SUN1: variants seen among roughly 807,000 people sequenced by gnomAD.
SUN1 encodes the protein SUN domain-containing protein 1.
In SUN1, 61 loss-of-function variants were observed where a neutral mutation model predicts 103.2. The ratio of observed to expected loss-of-function variants is 0.59; its 90% CI spans 0.48 to 0.73. SUN1 has a LOEUF of 0.73. SUN1 is among the 30% of genes least tolerant of loss of function. SUN1 has a pLI of 0.00. For synonymous variants in SUN1, 490 were observed against 425.7 expected (o/e 1.15, Z -1.86); for missense variants, 1,052 against 1,034.6 (o/e 1.02, Z -0.23).
intron 15 of SUN1, among the ~76,000 whole-genome samples, chr7:863,482 C>G (rs1833930095): frequency 2.0e-5 from 3 of 152,206 alleles, no homozygotes; most frequent in Non-Finnish European, 1.5e-5. Context: ...CCAAACTGGA[C>G]TTGTTTTTTA....
intron 15 of SUN1, among the ~76,000 whole-genome samples, chr7:861,695 C>T (rs1179130059): frequency 3.9e-5 from 6 of 152,180 alleles, no homozygotes; most frequent in Non-Finnish European, 7.3e-5. Flanking sequence ...ATGCTTGTGG[C>T]TAAGTCGAGG....
At chr7:823,867 T>C (rs1485984719) in intron 1 of SUN1, among the ~76,000 whole-genome samples, 1 of 152,170 alleles carries the variant, frequency 6.6e-6, no homozygotes, top group Non-Finnish European at 1.5e-5. Flanking sequence ...TGAGCCTGCC[T>C]GACATCCAGG....
intron 17 of SUN1, among the ~76,000 whole-genome samples, chr7:870,670 G>A (rs893765985): frequency 2.0e-5 from 3 of 148,184 alleles, no homozygotes; most frequent in African/African-American, 7.3e-5. Flanking sequence ...TCCTCAAGTA[G>A]CATCAATCCC....
intron 1 of SUN1, among the ~76,000 whole-genome samples, chr7:837,257 C>T (rs924713367): frequency 3.9e-5 from 6 of 152,156 alleles, no homozygotes; most frequent in African/African-American, 9.7e-5. Context: ...TGGCTGGAGT[C>T]GGTGTCAGGG....
intron 1 of SUN1, among the ~76,000 whole-genome samples, chr7:819,082 C>G (rs186265066): frequency 4.5e-4 from 69 of 152,118 alleles, no homozygotes; most frequent in African/African-American, 1.5e-3. Flanking sequence ...AGGCTGGTCT[C>G]AAACTCCCGA....
chr7:830,270 G>T (rs149763690), upstream of SUN1, among the ~76,000 whole-genome samples: 3 of 152,288 alleles, frequency 2.0e-5, no homozygotes, highest in South Asian at 4.1e-4. Flanking sequence ...CCGCTGCCTC[G>T]CAAGGTTCTG....
intron 5 of SUN1, among the ~76,000 whole-genome samples, chr7:846,120 G>T (rs1455316917): frequency 6.6e-6 from 1 of 151,924 alleles, no homozygotes; most frequent in Non-Finnish European, 1.5e-5. Context: ...TTGTTTGTTT[G>T]TTTTTTGAGA....
At chr7:819,110 G>A (rs758845056) in intron 1 of SUN1, among the ~76,000 whole-genome samples, 6 of 151,670 alleles carry the variant, frequency 4.0e-5, no homozygotes, top group Non-Finnish European at 8.8e-5. Flanking sequence ...TGATCTGCCC[G>A]CCTCGCCCTC....
At chr7:848,568 A>G in intron 5 of SUN1, 1 of 1,353,916 alleles carries the variant, frequency 7.4e-7, no homozygotes, top group Non-Finnish European at 9.8e-7. Context: ...CATGAATCAA[A>G]AGATTGTGAA....
intron 1 of SUN1, among the ~76,000 whole-genome samples, chr7:836,131 G>A (rs1250908696): frequency 6.6e-6 from 1 of 152,200 alleles, no homozygotes; most frequent in Admixed American, 6.5e-5. Flanking sequence ...GCTTTGAGGG[G>A]AAGTTGTTTT....
intron 8 of SUN1, 27 bp from the exon 9 acceptor site, chr7:852,779 CTGTG>C (rs751336709): frequency 1.2e-6 from 2 of 1,610,366 alleles, no homozygotes; most frequent in Non-Finnish European, 1.7e-6. Flanking sequence ...CGTGGTGTAC[CTGTG>C]TGTGTGTGGT....
Position 870,884 on chromosome 7 carries a change from T to C in SUN1, c.2148+1368T>C, listed in dbSNP as rs1038364166. Reference sequence around the variant, plus strand: ...TTACTAGCATTTTCTTTTTATTTTCTTTCTTTTTTTTTTTTTTTTTTTTGA... The same window carrying C: ...TTACTAGCATTTTCTTTTTATTTTCCTTCTTTTTTTTTTTTTTTTTTTTGA... On this transcript the variant is annotated intron_variant, in intron 17 of 18. Transcript: ENST00000401592. 2.5e-5 allele frequency among the ~76,000 whole-genome samples: 3 copies of C among 120,732 alleles called. No individual in the cohort carries two copies. In the Admixed American group the frequency reaches 3.3e-4, roughly 13 times the overall value. 79.2% of individuals were successfully genotyped at this position (120,732 alleles called of 152,430 possible).
intron 3 of SUN1, 164 bp from the exon 4 acceptor site, chr7:843,042 A>G (rs1811708002): frequency 1.1e-6 from 1 of 943,442 alleles, no homozygotes. Context: ...AGAAGATGGT[A>G]TCTGCATATA....
chr7:821,772 C>T (rs970527410), intron 1 of SUN1, among the ~76,000 whole-genome samples: 5 of 152,134 alleles, frequency 3.3e-5, no homozygotes, highest in Admixed American at 6.5e-5. Flanking sequence ...CATGTCATAA[C>T]GCCCACTGGT....
intron 1 of SUN1, among the ~76,000 whole-genome samples, chr7:837,014 G>A (rs1013228392): frequency 2.0e-5 from 3 of 152,244 alleles, no homozygotes; most frequent in Non-Finnish European, 2.9e-5. Context: ...CGCATGGATG[G>A]CCTGAGGACC....
intron 1 of SUN1, 141 bp from the exon 2 acceptor site, chr7:838,657 C>A: frequency 1.2e-6 from 1 of 847,074 alleles, no homozygotes; most frequent in Non-Finnish European, 1.7e-6. Context: ...CGTACGTTTG[C>A]TTTAGAGTGA....
chr7:827,727 A>G (rs768442526), upstream of SUN1, among the ~76,000 whole-genome samples: 38 of 151,696 alleles, frequency 2.5e-4, no homozygotes, highest in Non-Finnish European at 4.9e-4. Flanking sequence ...TGGCCTCCCA[A>G]AGTACTGGGA....
chr7:858,546 A>G (rs1197561456), intron 13 of SUN1, among the ~76,000 whole-genome samples: 1 of 152,186 alleles, frequency 6.6e-6, no homozygotes, highest in Non-Finnish European at 1.5e-5. Context: ...CGTGCAGCCC[A>G]GGGCCAGCAC....
rs1362256456 is a variant in SUN1, at chr7:852,914, T to C, written c.1015T>C (p.Phe339Leu). The C allele has an allele frequency of 2.5e-6, 4 of 1,613,966 alleles. No individual in the cohort carries two copies. Among genetic ancestry groups the C allele is most frequent in the East Asian group, 4.5e-5 (2 of 44,874 alleles). The change falls in exon 9 of 19, where the codon TTT becomes CTT. Residue 339 changes from phenylalanine (F) to leucine (L), a missense_variant. Physicochemically the swap from Phe to Leu is conservative, Grantham distance 22. Around this residue, in one of 2 missense-constraint regions of SUN1, gnomAD observed 846 missense variants for 774.5 expected, o/e 1.09. Coordinates refer to ENST00000401592, the MANE Select transcript of SUN1 (RefSeq NM_001130965.3). ...GCGGGTGGATGACCCCCAGGACGTGTTTAAACCCACGACTTCTCGCCTGAA... is the reference window on the plus strand; with the variant it reads ...GCGGGTGGATGACCCCCAGGACGTGCTTAAACCCACGACTTCTCGCCTGAA... ...TQRVDDPQDV[F>L]KPTTSRLKQP...
Sources: allele counts gnomAD v4.1 joint callset (sites outside exome capture counted in the v4.1 genomes callset), GRCh38; gene constraint gnomAD v4.1.1; regional missense constraint gnomAD v4.1.1; transcripts MANE v1.5; gene names NCBI Gene and HGNC (gene_info 2026-07-23, HGNC 2026-07-21).